Variants in NDUFA10 observed in about 807,000 individuals in gnomAD.
The protein encoded by NDUFA10 is NADH:ubiquinone oxidoreductase subunit A10, also known as NADH dehydrogenase [ubiquinone] 1 alpha subcomplex subunit 10, mitochondrial.
A neutral mutation model predicts 47.8 loss-of-function variants in NDUFA10; 40 were observed. The ratio of observed to expected loss-of-function variants is 0.84; its 90% CI spans 0.65 to 1.09. The LOEUF is 1.09. Among genes scored for constraint, NDUFA10 ranks in the 50% least tolerant of loss-of-function variants. The pLI is 0.00. For synonymous variants in NDUFA10, 183 were observed against 172.2 expected (o/e 1.06, Z -0.49); for missense variants, 413 against 451.1 (o/e 0.92, Z 0.76).
intron 4 of NDUFA10, among the ~76,000 whole-genome samples, chr2:239,944,598 C>T (rs148264757): frequency 2.0e-5 from 3 of 152,298 alleles, no homozygotes; most frequent in South Asian, 2.1e-4. Context: ...GAACTGGCAG[C>T]GCGGATCAAG....
chr2:239,978,335 T>C (rs1695614053), intron 9 of NDUFA10, among the ~76,000 whole-genome samples: 1 of 152,192 alleles, frequency 6.6e-6, no homozygotes, highest in Admixed American at 6.5e-5. Context: ...GACCTGGTCA[T>C]CAACGCAGTA....
At chr2:239,942,476 G>A (rs1694374993) in intron 4 of NDUFA10, among the ~76,000 whole-genome samples, 1 of 152,190 alleles carries the variant, frequency 6.6e-6, no homozygotes, top group South Asian at 2.1e-4. Flanking sequence ...AAATGTATTG[G>A]TTTGGTTCTG....
chr2:239,988,781 T>C (rs1019189508), intron 9 of NDUFA10, among the ~76,000 whole-genome samples: 4 of 151,696 alleles, frequency 2.6e-5, no homozygotes, highest in African/African-American at 7.3e-5. Flanking sequence ...AAGCAGCAAA[T>C]CCGCAGAGCC....
intron 4 of NDUFA10, among the ~76,000 whole-genome samples, chr2:239,898,238 G>A (rs1023714003): frequency 2.0e-5 from 3 of 152,216 alleles, no homozygotes; most frequent in African/African-American, 7.2e-5. Flanking sequence ...TACCAAGGAG[G>A]TTATAAAATG....
chr2:240,014,906 C>T (rs778451497), intron 4 of NDUFA10, 46 bp from the exon 5 acceptor site: 19 of 1,613,240 alleles, frequency 1.2e-5, no homozygotes, highest in African/African-American at 8.0e-5. Context: ...AGTCCCCACA[C>T]GGGTTTCCAA....
chr2:239,953,314 AAGGCC>A (rs1378248264), downstream of NDUFA10, among the ~76,000 whole-genome samples: 1 of 152,174 alleles, frequency 6.6e-6, no homozygotes, highest in East Asian at 1.9e-4. Context: ...GAAAGCTGGG[AAGGCC>A]AGGAGCCTGC....
At chr2:239,893,586 G>A (rs1345368782) in intron 5 of NDUFA10, among the ~76,000 whole-genome samples, 1 of 152,154 alleles carries the variant, frequency 6.6e-6, no homozygotes, top group Non-Finnish European at 1.5e-5. Flanking sequence ...GAGAACTGCT[G>A]TGTCTCCACG....
intron 4 of NDUFA10, among the ~76,000 whole-genome samples, chr2:239,918,336 G>A (rs1196897674): frequency 6.6e-6 from 1 of 152,176 alleles, no homozygotes; most frequent in East Asian, 1.9e-4. Context: ...ACATACATGC[G>A]CCCCATCGCC....
intron 4 of NDUFA10, among the ~76,000 whole-genome samples, chr2:239,937,659 C>T (rs1694286463): frequency 6.6e-6 from 1 of 152,196 alleles, no homozygotes; most frequent in African/African-American, 2.4e-5. Context: ...CATGCATGTA[C>T]AAGACTCTGT....
rs202207682 is a variant in NDUFA10, at chr2:240,007,338, C to T, written c.782G>A (p.Arg261Lys). ...EKCEVLQYSA[R>K]EAQDSKKVVE... Reference sequence around the variant, plus strand: ...TACCTTTTTTGAATCTTGAGCTTCCCTTGCAGAATATTGTAAAACCTCACA... The same window carrying T: ...TACCTTTTTTGAATCTTGAGCTTCCTTTGCAGAATATTGTAAAACCTCACA... Residue 261 changes from arginine (R) to lysine (K), a missense_variant, in exon 7 of 10, where the codon AGG becomes AAG. Arg to Lys is a conservative substitution (Grantham distance 26). Coordinates refer to ENST00000252711, the MANE Select transcript of NDUFA10 (RefSeq NM_004544.4). 19 of 1,596,188 alleles carry T rather than the reference C, an allele frequency of 1.2e-5. No individual in the cohort carries two copies. The East Asian group carries it at 4.2e-4, about 36-fold the overall frequency.
At chr2:239,964,794 G>A (rs1288586991) in intron 9 of NDUFA10, among the ~76,000 whole-genome samples, 1 of 152,168 alleles carries the variant, frequency 6.6e-6, no homozygotes, top group Non-Finnish European at 1.5e-5. Flanking sequence ...TCTGAGAGGT[G>A]GTCCTGCCAG....
Position 240,022,184 on chromosome 2 carries a change from C to T in NDUFA10, c.232G>A (p.Ala78Thr), listed in dbSNP as rs759737061. The T allele has an allele frequency of 6.2e-7, 1 of 1,611,136 alleles. No homozygotes were observed. Among genetic ancestry groups the T allele is most frequent in the South Asian group, 1.1e-5 (1 of 91,028 alleles). ...CATAAAATCATACCTAGTTTCTCTG[C>T]TATTTCTTTTGCAAGTTTGCCTTTT... ...TGKGKLAKEI[A>T]EKLGFKHFPE... Residue 78 changes from alanine (A) to threonine (T), a missense_variant, in exon 2 of 10, where the codon GCA (alanine) becomes ACA (threonine). Physicochemically the swap from Ala to Thr is moderately conservative, Grantham distance 58 (BLOSUM62 0). Coordinates refer to ENST00000252711, the MANE Select transcript of NDUFA10 (RefSeq NM_004544.4).
chr2:239,991,359 A>G (rs571455113), intron 8 of NDUFA10, among the ~76,000 whole-genome samples: 1 of 152,336 alleles, frequency 6.6e-6, no homozygotes, highest in South Asian at 2.1e-4. Context: ...CAGGATAACA[A>G]TGATCGTTTG....
chr2:240,002,274 G>A (rs1048384983), intron 8 of NDUFA10, among the ~76,000 whole-genome samples: 2 of 143,760 alleles, frequency 1.4e-5, no homozygotes, highest in African/African-American at 5.2e-5. Flanking sequence ...AGGTTGCAGT[G>A]AGCTGAGATT....
At chr2:239,902,862 C>T (rs952540397) in intron 4 of NDUFA10, among the ~76,000 whole-genome samples, 9 of 152,044 alleles carry the variant, frequency 5.9e-5, no homozygotes, top group Non-Finnish European at 1.3e-4. Context: ...AGGATTCCTG[C>T]GGAAGGGGGC....
At chr2:240,007,084 G>A (rs1179499411) in intron 7 of NDUFA10, among the ~76,000 whole-genome samples, 1 of 152,160 alleles carries the variant, frequency 6.6e-6, no homozygotes, top group Non-Finnish European at 1.5e-5. Context: ...GATGACCCAA[G>A]ATTCTGTGAC....
intron 4 of NDUFA10, among the ~76,000 whole-genome samples, chr2:239,938,254 G>T (rs1409787256): frequency 6.6e-6 from 1 of 152,164 alleles, no homozygotes; most frequent in African/African-American, 2.4e-5. Context: ...TAAACCTGTA[G>T]CGTGGCAATG....
At chr2:239,919,433 G>GC (rs11386062) in intron 4 of NDUFA10, among the ~76,000 whole-genome samples, 57,690 of 151,786 alleles carry the variant, frequency 0.38, 11,039 homozygotes, top group Middle Eastern at 0.43. Flanking sequence ...CTCCTCGAGG[G>GC]CAGGGGCATC....
At chr2:239,949,870 T>C (rs1034430184) in intron 4 of NDUFA10, among the ~76,000 whole-genome samples, 1 of 152,214 alleles carries the variant, frequency 6.6e-6, no homozygotes, top group East Asian at 1.9e-4. Flanking sequence ...AGACAGCAGA[T>C]CTTGGGGCTT....
Sources: allele counts gnomAD v4.1 joint callset (sites outside exome capture counted in the v4.1 genomes callset), GRCh38; gene constraint gnomAD v4.1.1; transcripts MANE v1.5; gene names NCBI Gene and HGNC (gene_info 2026-07-23, HGNC 2026-07-21).